SETDB2: variants seen among roughly 807,000 people sequenced by gnomAD.
The protein encoded by SETDB2 is histone-lysine N-methyltransferase SETDB2.
Under a neutral mutation model 82.5 loss-of-function variants are expected in SETDB2, and 56 were observed. The observed-to-expected ratio is 0.68, with a 90% CI of 0.55 to 0.85. The LOEUF is 0.85. Among genes scored for constraint, SETDB2 ranks in the 40% least tolerant of loss-of-function variants. The pLI is 0.00. For missense variants in SETDB2, 677 were observed against 816.4 expected (o/e 0.83, Z 2.08); for synonymous variants, 272 against 284.9 (o/e 0.95, Z 0.46).
intron 8 of SETDB2, chr13:49,482,499 G>T (rs1329552938): frequency 1.4e-5 from 4 of 289,408 alleles, no homozygotes; most frequent in Non-Finnish European, 2.1e-5. Flanking sequence ...CTTCTCTTTT[G>T]TATTATACCA....
intron 2 of SETDB2, among the ~76,000 whole-genome samples, chr13:49,453,215 T>C (rs1566154722): frequency 6.6e-6 from 1 of 152,198 alleles, no homozygotes; most frequent in Non-Finnish European, 1.5e-5. Context: ...ACTTTTTGAG[T>C]TACAAGCCAG....
At position 49,455,296 on chromosome 13, in the gene SETDB2, A is replaced by G. The variant is rs1594132866; in HGVS notation, c.16+3387A>G. 2.0e-5 allele frequency among the ~76,000 whole-genome samples: 3 copies of G among 152,280 alleles called. No individual in the cohort carries two copies. In the East Asian group the frequency reaches 5.8e-4, roughly 29 times the overall value. On this transcript the variant is annotated intron_variant, in intron 2 of 13. Transcript: ENST00000611815. Reference sequence around the variant, plus strand: ...TGGATATTTTTCTTTGTTGACTCCAAAACTCAACAGGTAGTCATTCCTTAA... The same window carrying G: ...TGGATATTTTTCTTTGTTGACTCCAGAACTCAACAGGTAGTCATTCCTTAA...
intron 5 of SETDB2, among the ~76,000 whole-genome samples, chr13:49,473,613 T>C (rs2138925513): frequency 6.8e-6 from 1 of 146,848 alleles, no homozygotes; most frequent in South Asian, 2.1e-4. Flanking sequence ...CAGAATAATA[T>C]ACTACAGAAT....
At chr13:49,485,578 A>G in intron 10 of SETDB2, 52 bp from the exon 11 acceptor site, 1 of 1,447,840 alleles carries the variant, frequency 6.9e-7, no homozygotes, top group Non-Finnish European at 9.6e-7. Flanking sequence ...CCTAACTGCT[A>G]AATACTTTTG....
Position 49,488,448 on chromosome 13 carries a change from G to A in SETDB2, c.1735G>A (p.Val579Ile). Residue 579 changes from valine (V) to isoleucine (I), a missense_variant, in exon 12 of 14, where the codon GTT becomes ATT. Val to Ile is a conservative substitution (Grantham distance 29). Around this residue, in one of 3 missense-constraint regions of SETDB2, gnomAD observed 420 missense variants for 554.6 expected, o/e 0.76. Coordinates refer to ENST00000611815, the MANE Select transcript of SETDB2 (RefSeq NM_001160308.3). The part of the protein sequence containing the change: ...DNQNIKKAIE[V>I]QIQKPQEGRS... ...TCAGAATATTAAAAAGGCAATTGAG[G>A]TTCAAATTCAGAAACCCCAAGAGGG... 6.2e-7 allele frequency: 1 copy of A among 1,614,080 alleles called. No homozygotes were observed. Among genetic ancestry groups the A allele is most frequent in the Non-Finnish European group, 8.5e-7 (1 of 1,180,000 alleles).
intron 13 of SETDB2, 134 bp downstream of exon 13, chr13:49,491,044 G>A: frequency 1.7e-6 from 1 of 599,848 alleles, no homozygotes; most frequent in South Asian, 2.3e-5. Flanking sequence ...CTTGAGCTCA[G>A]GAGTTTAAGA....
chr13:49,482,664 G>C, intron 8 of SETDB2, 73 bp from the exon 9 acceptor site: 1 of 959,096 alleles, frequency 1.0e-6, no homozygotes, highest in Admixed American at 2.3e-5. Flanking sequence ...TCATGGAGTA[G>C]AAATAGAGAT....
At position 49,482,184 on chromosome 13, in the gene SETDB2, G is replaced by A. The variant is rs147660919; in HGVS notation, c.1157-553G>A. ...GAAAATGTAACTAAGATATGTCTCCGATCTAACAATGGGTAAGAATATCCT... is the reference window on the plus strand; with the variant it reads ...GAAAATGTAACTAAGATATGTCTCCAATCTAACAATGGGTAAGAATATCCT... On this transcript the variant is annotated intron_variant, in intron 8 of 13. Coordinates refer to ENST00000611815, the MANE Select transcript of SETDB2 (RefSeq NM_001160308.3). The A allele has an allele frequency of 1.3e-5, 13 of 985,388 alleles. 1 individual carries two copies. The highest frequency in any genetic ancestry group is 2.3e-4 in the East Asian group (2 of 8,818). The allele number at this position is 985,388 out of a possible 1,614,324, so 61.0% of individuals were successfully genotyped here.
chr13:49,483,608 AATTTTTTTTTTTTTT>A, intron 10 of SETDB2, 45 bp downstream of exon 10: 1 of 490,644 alleles, frequency 2.0e-6, no homozygotes, highest in Non-Finnish European at 3.4e-6. Context: ...TTCTTTTTTA[AATTTTTTTTTTTTTT>A]TTTTTTTTTT....
Position 49,466,811 on chromosome 13 carries a change from C to CTTTTTT in SETDB2, c.209-1038_209-1033dup, listed in dbSNP as rs3039228. On this transcript the variant is annotated intron_variant, in intron 4 of 13. Coordinates refer to ENST00000611815, the MANE Select transcript of SETDB2 (RefSeq NM_001160308.3). The stretch of plus-strand genomic sequence containing the variant: ...GGCATGCGCCACCATGCCTGGCTAA[C>CTTTTTT]TTTTTTTTTTTTTTTTTTTTCTGTC... Among the ~76,000 whole-genome samples the CTTTTTT allele has an allele frequency of 1.7e-4, 20 of 116,724 alleles. 1 individual carries two copies. The highest frequency in any genetic ancestry group is 2.6e-4 in the East Asian group (1 of 3,890). The allele number at this position is 116,724 out of a possible 152,430, so 76.6% of individuals were successfully genotyped here. A position where few individuals can be genotyped will look rare whatever the true frequency, so the allele number is the denominator to read the frequency against.
Position 49,490,696 on chromosome 13 carries a change from A to G in SETDB2, c.1918-126A>G, listed in dbSNP as rs1488419747. On this transcript the variant is annotated intron_variant, in intron 12 of 13. Coordinates refer to ENST00000611815, the MANE Select transcript of SETDB2 (RefSeq NM_001160308.3). ...CTATTAACAGGAGCTGTGATAATTT[A>G]TACATTGACAAAAAAAGAACAAAAT... 4.9e-6 allele frequency: 3 copies of G among 610,828 alleles called. No homozygotes were observed. In the African/African-American group the frequency reaches 5.7e-5, roughly 12 times the overall value. 37.8% of individuals were successfully genotyped at this position (610,828 alleles called of 1,614,324 possible). A position where few individuals can be genotyped will look rare whatever the true frequency, so the allele number is the denominator to read the frequency against.
chr13:49,478,364 G>A (rs1958413081), intron 6 of SETDB2, among the ~76,000 whole-genome samples: 1 of 152,158 alleles, frequency 6.6e-6, no homozygotes, highest in South Asian at 2.1e-4. Context: ...ATCTCACAGG[G>A]CCTGGAATTG....
At chr13:49,453,987 A>G (rs1392374117) in intron 2 of SETDB2, among the ~76,000 whole-genome samples, 3 of 152,204 alleles carry the variant, frequency 2.0e-5, no homozygotes, top group Admixed American at 2.0e-4. Flanking sequence ...TTCCAACTCT[A>G]ATCTATTACC....
intron 9 of SETDB2, among the ~76,000 whole-genome samples, chr13:49,483,258 G>A (rs1220123475): frequency 6.6e-6 from 1 of 151,866 alleles, no homozygotes; most frequent in Non-Finnish European, 1.5e-5. Context: ...GTTTTCATAG[G>A]TTCTCTTCCT....
At chr13:49,464,153 C>T in intron 4 of SETDB2, 1 of 726,442 alleles carries the variant, frequency 1.4e-6, no homozygotes, top group South Asian at 1.5e-5. Context: ...ATAAATGGGT[C>T]CTATGAGAAT....
At position 49,492,195 on chromosome 13, in the gene SETDB2, T is replaced by C. The variant is rs895642208; in HGVS notation, c.*346T>C. Reference sequence around the variant, plus strand: ...ACTCAGCTGTTTCTAATTGCTTTTGTGACTGTTACCTTTTAGTTCATGCCC... The same window carrying C: ...ACTCAGCTGTTTCTAATTGCTTTTGCGACTGTTACCTTTTAGTTCATGCCC... On this transcript the variant is annotated 3_prime_UTR_variant, in exon 14 of 14. Coordinates refer to ENST00000611815, the MANE Select transcript of SETDB2 (RefSeq NM_001160308.3). 2.1e-5 allele frequency: 4 copies of C among 190,908 alleles called. No homozygotes were observed. The highest frequency in any genetic ancestry group is 4.4e-5 in the Non-Finnish European group (4 of 90,456). 11.8% of individuals were successfully genotyped at this position (190,908 alleles called of 1,614,324 possible). A position where few individuals can be genotyped will look rare whatever the true frequency, so the allele number is the denominator to read the frequency against.
intron 10 of SETDB2, 61 bp from the exon 11 acceptor site, chr13:49,485,569 C>A (rs1594178186): frequency 1.5e-6 from 2 of 1,337,868 alleles, no homozygotes; most frequent in East Asian, 2.3e-5. Flanking sequence ...TGAAAGAGGC[C>A]TAACTGCTAA....
intron 11 of SETDB2, among the ~76,000 whole-genome samples, chr13:49,487,742 G>A (rs1594181306): frequency 6.6e-6 from 1 of 152,324 alleles, no homozygotes; most frequent in East Asian, 1.9e-4. Context: ...TGTTTACAAA[G>A]GTGTAATTAT....
intron 11 of SETDB2, among the ~76,000 whole-genome samples, chr13:49,486,566 CT>C (rs1367224073): frequency 2.0e-5 from 3 of 152,178 alleles, no homozygotes; most frequent in African/African-American, 7.2e-5. Flanking sequence ...TTGTCCGTGG[CT>C]TTGGAACCAT....
Sources: allele counts gnomAD v4.1 joint callset (sites outside exome capture counted in the v4.1 genomes callset), GRCh38; gene constraint gnomAD v4.1.1; regional missense constraint gnomAD v4.1.1; transcripts MANE v1.5; gene names NCBI Gene and HGNC (gene_info 2026-07-23, HGNC 2026-07-21).